Variants in PGAP3 observed in about 807,000 individuals in gnomAD.
The protein encoded by PGAP3 is post-GPI attachment to proteins phospholipase 3, also known as GPI-specific phospholipase A2-like PGAP3.
In PGAP3, 31 loss-of-function variants were observed where a neutral mutation model predicts 40.3. That is an observed-to-expected ratio of 0.77 (90% CI 0.58 to 1.04). The LOEUF is 1.04. Among genes scored for constraint, PGAP3 ranks in the 50% least tolerant of loss-of-function variants. PGAP3 has a pLI of 0.00. For synonymous variants in PGAP3, 191 were observed against 184.5 expected, an observed-to-expected ratio of 1.04 and a Z score of -0.29; for missense variants, 413 against 423.0, an observed-to-expected ratio of 0.98 and a Z score of 0.21.
chr17:39,678,965 T>G (rs907320000), intron 3 of PGAP3, among the ~76,000 whole-genome samples: 1 of 151,902 alleles, frequency 6.6e-6, no homozygotes, highest in Non-Finnish European at 1.5e-5. Context: ...TTTGTTTTTG[T>G]TTTTTTTGAG....
intron 3 of PGAP3, among the ~76,000 whole-genome samples, chr17:39,679,575 A>G (rs1199918559): frequency 6.6e-6 from 1 of 152,144 alleles, no homozygotes; most frequent in Non-Finnish European, 1.5e-5. Context: ...AAGAACCCCA[A>G]AGGAAAGCAG....
chr17:39,674,693 G>T lies in PGAP3; in HGVS notation c.433-14C>A. 1.3e-6 allele frequency: 2 copies of T among 1,549,360 alleles called. No homozygotes were observed. Among genetic ancestry groups the T allele is most frequent in the South Asian group, 1.2e-5 (1 of 83,924 alleles). ...ATTGAGGGACACCTAAGGAGGGAGG[G>T]GCTGGTGAGCATGCTGCCCCCCACC... is the stretch of plus-strand genomic sequence containing the variant. On this transcript the variant is annotated splice_polypyrimidine_tract_variant and intron_variant, in intron 3 of 7. Transcript: ENST00000300658.
chr17:39,677,192 G>A (rs1387868325), intron 3 of PGAP3, among the ~76,000 whole-genome samples: 1 of 152,176 alleles, frequency 6.6e-6, no homozygotes, highest in Non-Finnish European at 1.5e-5. Flanking sequence ...CGAGGTCTGC[G>A]GAATGCCTGG....
chr17:39,685,013 C>T (rs2057491229), intron 2 of PGAP3: 1 of 388,846 alleles, frequency 2.6e-6, no homozygotes, highest in Non-Finnish European at 4.6e-6. Context: ...GGGTAGATGA[C>T]TCAGTATGGC....
At chr17:39,683,697 A>G (rs535076150) in intron 3 of PGAP3, among the ~76,000 whole-genome samples, 1 of 152,210 alleles carries the variant, frequency 6.6e-6, no homozygotes, top group South Asian at 2.1e-4. Flanking sequence ...CCATATCTGC[A>G]CCCCAGTCTG....
Position 39,684,761 on chromosome 17 carries a change from G to A in PGAP3, c.280-12C>T, listed in dbSNP as rs996223760. On this transcript the variant is annotated splice_polypyrimidine_tract_variant and intron_variant, in intron 2 of 7. Transcript: ENST00000300658. ...CGGGAGAAGGGCCACTGAAAAAGGA[G>A]CAGATGAAGGAGGTTTGAAGGGCAG... 1.3e-6 allele frequency: 2 copies of A among 1,584,214 alleles called. No homozygotes were observed. The highest frequency in any genetic ancestry group is 2.3e-5 in the South Asian group (2 of 86,992).
At position 39,673,568 on chromosome 17, in the gene PGAP3, G is replaced by T; in HGVS notation, c.640C>A (p.Leu214Met). ...CCATAGTCGAAGCGGATGAGGCTCA[G>T]GTAGGAGACGTGCACGGTCAGCATG... ...LLMLTVHVSY[L>M]SLIRFDYGYN... The change falls in exon 6 of 8, where the codon CTG becomes ATG. Residue 214 changes from leucine (L) to methionine (M), a missense_variant. Physicochemically the swap from Leu to Met is conservative, Grantham distance 15. Transcript: ENST00000300658. 6.2e-7 allele frequency: 1 copy of T among 1,614,162 alleles called. No homozygotes were observed. Among genetic ancestry groups the T allele is most frequent in the Non-Finnish European group, 8.5e-7 (1 of 1,180,030 alleles).
chr17:39,674,655 A>G lies in PGAP3; in HGVS notation c.457T>C (p.Ser153Pro), dbSNP rs2057352977. 3.2e-6 allele frequency: 5 copies of G among 1,551,232 alleles called. No homozygotes were observed. Among genetic ancestry groups the G allele is most frequent in the Non-Finnish European group, 4.4e-6 (5 of 1,146,666 alleles). ...AWVSLNAWFW[S>P]TVFHTRDTDL... The stretch of plus-strand genomic sequence containing the variant: ...GTGTCCCTGGTGTGGAAAACTGTGG[A>G]CCAGAACCATGCATTGAGGGACACC... Residue 153 changes from serine (S) to proline (P), a missense_variant, in exon 4 of 8, where the codon TCC becomes CCC. Physicochemically the swap from Ser to Pro is moderately conservative, Grantham distance 74. Coordinates refer to ENST00000300658, the MANE Select transcript of PGAP3 (RefSeq NM_033419.5).
At chr17:39,684,562 A>G (rs1460669520) in intron 3 of PGAP3, 35 bp downstream of exon 3, 1 of 1,578,168 alleles carries the variant, frequency 6.3e-7, no homozygotes, top group Non-Finnish European at 8.6e-7. Context: ...TTCCTAGATA[A>G]GAGGAGACAG....
At chr17:39,684,280 G>GC (rs1408214907) in intron 3 of PGAP3, among the ~76,000 whole-genome samples, 2 of 152,058 alleles carry the variant, frequency 1.3e-5, no homozygotes, top group Non-Finnish European at 2.9e-5. Context: ...ATCCTCTTTA[G>GC]CCCCCCATCT....
chr17:39,675,104 G>T (rs2057359993), intron 3 of PGAP3, among the ~76,000 whole-genome samples: 1 of 152,024 alleles, frequency 6.6e-6, no homozygotes, highest in Non-Finnish European at 1.5e-5. Flanking sequence ...TGAGGTGGGT[G>T]GGGTGGAGGG....
intron 3 of PGAP3, among the ~76,000 whole-genome samples, chr17:39,678,613 G>C (rs1002915686): frequency 6.6e-6 from 1 of 152,192 alleles, no homozygotes; most frequent in East Asian, 1.9e-4. Context: ...ACTTAGCCCG[G>C]AGCGGGTGAG....
rs77151502 is a variant in PGAP3 at position 39,676,236 on chromosome 17, A to G, written c.433-1557T>C. ...CGGGACCCAGGCAATCACATGGACC[A>G]GTTCTCCCTGGCAGGCCAGGAACAG... On this transcript the variant is annotated intron_variant, in intron 3 of 7. Coordinates refer to ENST00000300658, the MANE Select transcript of PGAP3 (RefSeq NM_033419.5). Among the ~76,000 whole-genome samples the G allele has an allele frequency of 5.7e-3, 870 of 152,288 alleles. 12 individuals are homozygous for G. Among genetic ancestry groups the G allele is most frequent in the African/African-American group, 0.02 (845 of 41,550 alleles).
chr17:39,673,152 C>T lies in PGAP3; in HGVS notation c.798G>A (p.Leu266=). ...CVVVVLLLQG[L]SLLELLDFPP... The stretch of plus-strand genomic sequence containing the variant: ...GGAAGTCAAGCAGCTCGAGCAGGGA[C>T]AGCCCCTGCAGCAGCAAGACCACCA... Residue 266 remains leucine (L), a synonymous_variant, in exon 7 of 8, where the codon CTG becomes CTA. Coordinates refer to ENST00000300658, the MANE Select transcript of PGAP3 (RefSeq NM_033419.5). 1 of 1,597,268 alleles carries T rather than the reference C, an allele frequency of 6.3e-7. No homozygotes were observed. The highest frequency in any genetic ancestry group is 8.5e-7 in the Non-Finnish European group (1 of 1,172,652).
intron 3 of PGAP3, among the ~76,000 whole-genome samples, chr17:39,676,021 T>C (rs1170937868): frequency 2.0e-5 from 3 of 152,176 alleles, no homozygotes; most frequent in African/African-American, 7.2e-5. Context: ...GGCAGGCTGC[T>C]TCCTCCTTTG....
chr17:39,685,879 T>C (rs1160677899), intron 2 of PGAP3, 43 bp downstream of exon 2: 2 of 1,561,760 alleles, frequency 1.3e-6, no homozygotes, highest in South Asian at 2.2e-5. Flanking sequence ...ATATTACTCC[T>C]ACCACGCTAC....
Position 39,688,028 on chromosome 17 carries a change from C to T in PGAP3, c.-14G>A. The T allele has an allele frequency of 1.4e-6, 2 of 1,381,754 alleles. No homozygotes were observed. Among genetic ancestry groups the T allele is most frequent in the East Asian group, 2.9e-5 (1 of 34,506 alleles). 85.6% of individuals were successfully genotyped at this position (1,381,754 alleles called of 1,614,324 possible). A position where few individuals can be genotyped will look rare whatever the true frequency, so the allele number is the denominator to read the frequency against. On this transcript the variant is annotated 5_prime_UTR_variant, in exon 1 of 8. Transcript: ENST00000300658. ...CAGGCCGGCCATCCTTTCTCCCTGG[C>T]TCGCCGCCGGGGGAGGAGCTTAGGA...
At chr17:39,673,792 C>T in intron 5 of PGAP3, 142 bp from the exon 6 acceptor site, 2 of 1,284,772 alleles carry the variant, frequency 1.6e-6, no homozygotes, top group South Asian at 2.8e-5. Flanking sequence ...CACAGCTGGG[C>T]AGCAAGTGCT....
intron 7 of PGAP3, 62 bp downstream of exon 7, chr17:39,672,989 C>T: frequency 6.3e-7 from 1 of 1,580,212 alleles, no homozygotes; most frequent in Non-Finnish European, 8.6e-7. Flanking sequence ...CCCAATCTCC[C>T]CTAAGGAGTG....
Sources: allele counts gnomAD v4.1 joint callset (sites outside exome capture counted in the v4.1 genomes callset), GRCh38; gene constraint gnomAD v4.1.1; transcripts MANE v1.5; gene names NCBI Gene and HGNC (gene_info 2026-07-23, HGNC 2026-07-21).